The following PLCB4 variants were observed in gnomAD, a reference collection of about 807,000 sequenced individuals.
PLCB4 encodes 1-phosphatidylinositol 4,5-bisphosphate phosphodiesterase beta-4.
A neutral mutation model predicts 178.8 loss-of-function variants in PLCB4; 77 were observed. The observed-to-expected ratio is 0.43, with a 90% CI of 0.36 to 0.52. PLCB4 has a LOEUF of 0.52. Ranked by LOEUF, PLCB4 falls within the 20% of genes least tolerant of loss-of-function variation. The probability of loss-of-function intolerance (pLI) is 0.00; values close to 1 mark genes in which losing one functional copy is unlikely to be tolerated. For synonymous variants in PLCB4, 496 were observed against 490.8 expected, an observed-to-expected ratio of 1.01 and a Z score of -0.14; for missense variants, 1,024 against 1,453.4, an observed-to-expected ratio of 0.70 and a Z score of 4.80.
chr20:9,385,934 G>C (rs921122466), intron 14 of PLCB4, among the ~76,000 whole-genome samples: 22 of 152,352 alleles, frequency 1.4e-4, no homozygotes, highest in Admixed American at 9.2e-4. Flanking sequence ...GGCGAGCCGA[G>C]ATCACGCCAC....
intron 3 of PLCB4, among the ~76,000 whole-genome samples, chr20:9,296,986 T>G (rs1398557213): frequency 6.6e-6 from 1 of 152,160 alleles, no homozygotes; most frequent in African/African-American, 2.4e-5. Context: ...TGTGCACATG[T>G]ACCCTAAAAC....
chr20:9,360,415 A>G (rs2035219409), intron 7 of PLCB4, among the ~76,000 whole-genome samples: 1 of 152,214 alleles, frequency 6.6e-6, no homozygotes, highest in Non-Finnish European at 1.5e-5. Context: ...ATTTATTTCG[A>G]CAAACAACTA....
At chr20:9,103,579 G>C (rs2091259676) in intron 2 of PLCB4, among the ~76,000 whole-genome samples, 1 of 152,014 alleles carries the variant, frequency 6.6e-6, no homozygotes, top group African/African-American at 2.4e-5. Context: ...AATAATAAAA[G>C]GAAAATAATT....
At chr20:9,152,103 G>A (rs1387009254) in intron 2 of PLCB4, among the ~76,000 whole-genome samples, 1 of 150,296 alleles carries the variant, frequency 6.7e-6, no homozygotes, top group African/African-American at 2.5e-5. Flanking sequence ...GCATTCAAGA[G>A]GTGACTTGGA....
At chr20:9,184,218 AGTATTGT>A (rs2093293320) in intron 2 of PLCB4, among the ~76,000 whole-genome samples, 1 of 152,174 alleles carries the variant, frequency 6.6e-6, no homozygotes, top group Non-Finnish European at 1.5e-5. Context: ...TGACCACCTC[AGTATTGT>A]GGTCATGGGA....
chr20:9,334,781 T>G (rs1342303123), intron 4 of PLCB4, among the ~76,000 whole-genome samples: 1 of 151,618 alleles, frequency 6.6e-6, no homozygotes, highest in Non-Finnish European at 1.5e-5. Flanking sequence ...TGCAAAGAAG[T>G]CAAATATAGG....
intron 7 of PLCB4, among the ~76,000 whole-genome samples, chr20:9,359,060 G>A (rs2035092815): frequency 6.6e-6 from 1 of 152,040 alleles, no homozygotes; most frequent in African/African-American, 2.4e-5. Context: ...CATAAACTGG[G>A]GGAAAAACCC....
At chr20:9,258,738 A>G (rs1473064294) in intron 3 of PLCB4, among the ~76,000 whole-genome samples, 2 of 146,226 alleles carry the variant, frequency 1.4e-5, no homozygotes, top group Non-Finnish European at 3.0e-5. Context: ...AAAAAAAAAG[A>G]TAATTTCTAG....
chr20:9,223,239 G>C (rs2093821366), intron 3 of PLCB4, among the ~76,000 whole-genome samples: 2 of 152,178 alleles, frequency 1.3e-5, no homozygotes, highest in African/African-American at 4.8e-5. Flanking sequence ...CATATACAAT[G>C]AGAAAGGTAT....
chr20:9,384,739 C>G (rs2037432613), intron 14 of PLCB4, among the ~76,000 whole-genome samples: 1 of 151,076 alleles, frequency 6.6e-6, no homozygotes, highest in South Asian at 2.1e-4. Flanking sequence ...GTTACTAGCA[C>G]CATGCTCTAA....
chr20:9,416,598 T>A (rs975033131), intron 25 of PLCB4, among the ~76,000 whole-genome samples: 4 of 152,202 alleles, frequency 2.6e-5, no homozygotes, highest in African/African-American at 9.6e-5. Flanking sequence ...CTTTCCATCC[T>A]GATTCTTTAC....
chr20:9,103,979 C>G (rs1345952333), intron 2 of PLCB4, among the ~76,000 whole-genome samples: 2 of 152,156 alleles, frequency 1.3e-5, no homozygotes, highest in African/African-American at 4.8e-5. Context: ...AAATTGGTCT[C>G]TGTTCCAGTT....
chr20:9,163,809 C>T (rs1050768544), intron 2 of PLCB4, among the ~76,000 whole-genome samples: 2 of 151,908 alleles, frequency 1.3e-5, no homozygotes, highest in African/African-American at 2.4e-5. Flanking sequence ...TAATTTGCCT[C>T]CATTTCATAT....
chr20:9,367,506 G>C (rs1363933857), intron 9 of PLCB4, among the ~76,000 whole-genome samples: 1 of 152,174 alleles, frequency 6.6e-6, no homozygotes, highest in Non-Finnish European at 1.5e-5. Context: ...TTGAGTAATA[G>C]CAGAACAATT....
In PLCB4 at chr20:9,197,449, G is replaced by A. The variant is rs373212459; in HGVS notation, c.-78-19941G>A. Reference sequence around the variant, plus strand: ...AATGTAAAATATCTCATTAATTTTTGTGTAATATATGGAATACATGTTGAA... The same window carrying A: ...AATGTAAAATATCTCATTAATTTTTATGTAATATATGGAATACATGTTGAA... On this transcript the variant is annotated intron_variant, in intron 2 of 39. Coordinates refer to ENST00000378473, the MANE Select transcript of PLCB4 (RefSeq NM_001377142.1). Among the ~76,000 whole-genome samples the A allele has an allele frequency of 3.9e-5, 6 of 152,182 alleles. No individual in the cohort carries two copies. In the East Asian group the frequency reaches 7.7e-4, roughly 20 times the overall value.
Position 9,476,737 on chromosome 20 carries a change from A to T in PLCB4, c.3516A>T (p.Ala1172=). 6.2e-7 allele frequency: 1 copy of T among 1,610,330 alleles called. No homozygotes were observed. Among genetic ancestry groups the T allele is most frequent in the Non-Finnish European group, 8.5e-7 (1 of 1,176,646 alleles). The change falls in exon 39 of 40, where the codon GCA becomes GCT. Residue 1172 remains alanine, a synonymous_variant. Transcript: ENST00000378473. ...QNEQLLKSCH[A]VSQTQGEGDA... is the part of the protein sequence containing the mutation. ...AACAGCTTTTGAAATCCTGTCATGC[A>T]GTGTCCCAAACGCAAGGTAGGACCG...
At chr20:9,237,355 G>A (rs1055316936) in intron 3 of PLCB4, among the ~76,000 whole-genome samples, 9 of 151,834 alleles carry the variant, frequency 5.9e-5, no homozygotes, top group Non-Finnish European at 1.3e-4. Flanking sequence ...GATAACCAAA[G>A]TGAAGTTATT....
chr20:9,445,963 G>A (rs1250182852), intron 32 of PLCB4, among the ~76,000 whole-genome samples: 4 of 152,232 alleles, frequency 2.6e-5, no homozygotes. Flanking sequence ...CTTTGGGCTA[G>A]TTGGAAACAT....
chr20:9,465,961 G>A (rs904898602), intron 35 of PLCB4, among the ~76,000 whole-genome samples: 1 of 152,156 alleles, frequency 6.6e-6, no homozygotes, highest in Non-Finnish European at 1.5e-5. Flanking sequence ...AACCAAAAAA[G>A]AGCCCTCATT....
Sources: allele counts gnomAD v4.1 joint callset (sites outside exome capture counted in the v4.1 genomes callset), GRCh38; gene constraint gnomAD v4.1.1; transcripts MANE v1.5; gene names NCBI Gene and HGNC (gene_info 2026-07-23, HGNC 2026-07-21).